ERC1: variants seen among roughly 807,000 people sequenced by gnomAD.
ERC1 encodes RAB6 interacting protein 2.
In ERC1, 56 loss-of-function variants were observed where a neutral mutation model predicts 132.0. That is an observed-to-expected ratio of 0.42 (90% confidence interval 0.34 to 0.53). ERC1 has a LOEUF of 0.53. Among genes scored for constraint, ERC1 ranks in the 20% least tolerant of loss-of-function variants. The pLI is 0.03. For missense variants in ERC1, 1,202 were observed against 1,349.9 expected (o/e 0.89, Z 1.72); for synonymous variants, 478 against 476.1 (o/e 1.00, Z -0.05).
chr12:1,301,843 A>G (rs1156517580), intron 15 of ERC1, among the ~76,000 whole-genome samples: 1 of 152,204 alleles, frequency 6.6e-6, no homozygotes, highest in Non-Finnish European at 1.5e-5. Context: ...AAGAAAAAGA[A>G]ATAGAATTTA....
At chr12:1,414,507 G>T (rs1030370386) in intron 17 of ERC1, among the ~76,000 whole-genome samples, 1 of 152,102 alleles carries the variant, frequency 6.6e-6, no homozygotes, top group Non-Finnish European at 1.5e-5. Flanking sequence ...ATTTTGAGGG[G>T]ACACAAACAT....
intron 14 of ERC1, among the ~76,000 whole-genome samples, chr12:1,283,743 GAT>G (rs2078847880): frequency 6.6e-6 from 1 of 152,114 alleles, no homozygotes. Context: ...TTTACTAACA[GAT>G]AAAAATCTGA....
intron 18 of ERC1, among the ~76,000 whole-genome samples, chr12:1,468,651 G>A (rs887076753): frequency 2.0e-5 from 3 of 151,916 alleles, no homozygotes; most frequent in African/African-American, 7.3e-5. Context: ...GAGGAAGAAA[G>A]AAAGGAGAAA....
intron 13 of ERC1, among the ~76,000 whole-genome samples, chr12:1,238,593 C>T (rs1023267198): frequency 6.6e-6 from 1 of 152,086 alleles, no homozygotes; most frequent in Non-Finnish European, 1.5e-5. Context: ...AGTTTAACCT[C>T]CCTTCTTGAA....
intron 18 of ERC1, among the ~76,000 whole-genome samples, chr12:1,445,222 A>G (rs76542517): frequency 3.3e-5 from 3 of 90,694 alleles, no homozygotes; most frequent in African/African-American, 1.6e-4. Context: ...TGTACAGTAG[A>G]TTTTTTTTTT....
chr12:1,267,625 G>A (rs757475452), intron 14 of ERC1, among the ~76,000 whole-genome samples: 8 of 152,100 alleles, frequency 5.3e-5, no homozygotes, highest in Admixed American at 1.3e-4. Flanking sequence ...AGCCGGGCAT[G>A]AGGGGGTATG....
chr12:1,343,064 A>C (rs1030663404), intron 15 of ERC1, among the ~76,000 whole-genome samples: 2 of 152,182 alleles, frequency 1.3e-5, no homozygotes, highest in African/African-American at 4.8e-5. Flanking sequence ...CAGTCCGGGC[A>C]TTAGAGAGCT....
At chr12:1,162,745 A>C (rs1370339776) in intron 8 of ERC1, among the ~76,000 whole-genome samples, 1 of 152,014 alleles carries the variant, frequency 6.6e-6, no homozygotes. Flanking sequence ...TTTTATTTTT[A>C]ATAAGGATCA....
Position 1,182,083 on chromosome 12 carries a change from G to T in ERC1, c.2016+18G>T, listed in dbSNP as rs1370482348. ...AGAAAGAGGTTAAGCTCCCCAAAAT[G>T]GAATTAGTTTGTTTGCTTAATCATT... On this transcript the variant is annotated intron_variant, in intron 10 of 18. Coordinates refer to ENST00000360905, the MANE Select transcript of ERC1 (RefSeq NM_178040.4). 1.9e-6 allele frequency: 3 copies of T among 1,610,072 alleles called. No homozygotes were observed. Among genetic ancestry groups the T allele is most frequent in the African/African-American group, 1.3e-5 (1 of 74,574 alleles).
At chr12:1,017,482 A>G (rs1405602503) in intron 1 of ERC1, among the ~76,000 whole-genome samples, 2 of 151,054 alleles carry the variant, frequency 1.3e-5, no homozygotes, top group Non-Finnish European at 2.9e-5. Context: ...AGAGATTTAA[A>G]TGTTGTTCTG....
intron 18 of ERC1, among the ~76,000 whole-genome samples, chr12:1,462,064 A>G (rs193254930): frequency 6.6e-6 from 1 of 152,360 alleles, no homozygotes; most frequent in East Asian, 1.9e-4. Context: ...TTAAATGGGC[A>G]GAAGACTTGA....
intron 12 of ERC1, among the ~76,000 whole-genome samples, chr12:1,193,628 T>C (rs1291468651): frequency 6.6e-6 from 1 of 152,094 alleles, no homozygotes; most frequent in African/African-American, 2.4e-5. Context: ...AAGACTGAAA[T>C]CCCTGTGGCA....
intron 3 of ERC1, among the ~76,000 whole-genome samples, chr12:1,096,487 CA>C (rs1306957384): frequency 6.6e-6 from 1 of 152,198 alleles, no homozygotes; most frequent in Non-Finnish European, 1.5e-5. Flanking sequence ...TAAAGTTCGA[CA>C]CTCATTTATT....
chr12:1,081,207 T>G (rs1942146574), intron 2 of ERC1, among the ~76,000 whole-genome samples: 1 of 152,210 alleles, frequency 6.6e-6, no homozygotes, highest in Non-Finnish European at 1.5e-5. Flanking sequence ...TTGGAATTCA[T>G]TGTATAATGT....
At chr12:1,132,364 C>T (rs1477208200) in intron 7 of ERC1, among the ~76,000 whole-genome samples, 1 of 152,086 alleles carries the variant, frequency 6.6e-6, no homozygotes, top group African/African-American at 2.4e-5. Flanking sequence ...TGTATCAAAG[C>T]CTGTGTTTCC....
intron 13 of ERC1, among the ~76,000 whole-genome samples, chr12:1,248,426 A>G (rs1039433692): frequency 2.0e-5 from 3 of 152,212 alleles, no homozygotes; most frequent in South Asian, 2.1e-4. Flanking sequence ...TTGGGCAACA[A>G]ATTTAGGTAG....
At chr12:1,413,119 C>A (rs895811995) in intron 17 of ERC1, among the ~76,000 whole-genome samples, 2 of 152,180 alleles carry the variant, frequency 1.3e-5, no homozygotes, top group African/African-American at 2.4e-5. Context: ...GGAATTTTTT[C>A]CTTTGGGAAA....
At chr12:1,369,806 C>T (rs796983537) in intron 15 of ERC1, among the ~76,000 whole-genome samples, 47 of 152,198 alleles carry the variant, frequency 3.1e-4, no homozygotes, top group African/African-American at 1.0e-3. Flanking sequence ...GGGGACAGTG[C>T]GATGAGAATC....
intron 12 of ERC1, among the ~76,000 whole-genome samples, chr12:1,197,354 C>G (rs1754404398): frequency 1.3e-5 from 2 of 152,078 alleles, no homozygotes; most frequent in South Asian, 4.1e-4. Flanking sequence ...CAGAGTCATG[C>G]CTAACAATTC....
Sources: allele counts gnomAD v4.1 joint callset (sites outside exome capture counted in the v4.1 genomes callset), GRCh38; gene constraint gnomAD v4.1.1; transcripts MANE v1.5; gene names NCBI Gene and HGNC (gene_info 2026-07-23, HGNC 2026-07-21).